The following MICU1 variants were observed in gnomAD, a reference collection of about 807,000 sequenced individuals.
The protein encoded by MICU1 is calcium uptake protein 1, mitochondrial.
A neutral mutation model predicts 56.8 loss-of-function variants in MICU1; 45 were observed. The observed-to-expected ratio is 0.79, with a 90% CI of 0.62 to 1.02. The LOEUF (loss-of-function observed/expected upper bound fraction) is 1.02, where lower values mean the gene tolerates loss of function less well. Among genes scored for constraint, MICU1 ranks in the 50% least tolerant of loss-of-function variants. The pLI is 0.00. For synonymous variants in MICU1, 186 were observed against 195.1 expected, an observed-to-expected ratio of 0.95 and a Z score of 0.39; for missense variants, 504 against 587.1, an observed-to-expected ratio of 0.86 and a Z score of 1.46.
At position 72,423,330 on chromosome 10, in the gene MICU1, CCT is replaced by C. The variant is rs763449647; in HGVS notation, c.973_974del (p.Arg325AlafsTer50). On this transcript the variant is annotated frameshift_variant, in exon 9 of 12. Transcript: ENST00000361114. LOFTEE classifies it high-confidence loss of function. ...HDPVDGRITERQFGGMLLAYS... is the reference protein window; with the variant it reads ...HDPVDGRITEXQFGGMLLAYS... Reference sequence around the variant, plus strand: ...AGGCAAGTAGCATGCCACCAAACTGCCTCTCAGTAATTCTCCCATCCACAGGG... The same window carrying C: ...AGGCAAGTAGCATGCCACCAAACTGCCTCAGTAATTCTCCCATCCACAGGG... 3.1e-6 allele frequency: 5 copies of C among 1,613,844 alleles called. No individual in the cohort carries two copies. The Admixed American group carries it at 8.3e-5, about 27-fold the overall frequency.
chr10:72,568,878 G>A (rs1840516476), intron 1 of MICU1, among the ~76,000 whole-genome samples: 1 of 150,042 alleles, frequency 6.7e-6, no homozygotes, highest in African/African-American at 2.5e-5. Context: ...TCAGCCTCCT[G>A]GGTAGCTGGG....
chr10:72,595,466 A>G (rs1841353184), intron 1 of MICU1, among the ~76,000 whole-genome samples: 1 of 99,088 alleles, frequency 1.0e-5, no homozygotes, highest in South Asian at 2.8e-4. Flanking sequence ...AAAAAAAAAG[A>G]AAAAAAGAAA....
chr10:72,431,661 A>G (rs1354415227), intron 8 of MICU1, among the ~76,000 whole-genome samples: 2 of 152,204 alleles, frequency 1.3e-5, no homozygotes, highest in African/African-American at 4.8e-5. Context: ...TCAGCTATGT[A>G]TAAGAGTGCC....
chr10:72,446,559 C>T (rs936803550), intron 8 of MICU1, among the ~76,000 whole-genome samples: 6 of 152,104 alleles, frequency 3.9e-5, no homozygotes, highest in South Asian at 4.1e-4. Context: ...GAACTCCTGA[C>T]CTCAAGTGAT....
intron 6 of MICU1, among the ~76,000 whole-genome samples, chr10:72,486,795 C>T (rs1012102430): frequency 3.3e-5 from 5 of 152,106 alleles, no homozygotes; most frequent in East Asian, 1.9e-4. Context: ...CACATACACA[C>T]GTGCACAAAG....
At chr10:72,416,166 A>T (rs1190450999) in intron 9 of MICU1, among the ~76,000 whole-genome samples, 1 of 152,138 alleles carries the variant, frequency 6.6e-6, no homozygotes, top group Non-Finnish European at 1.5e-5. Context: ...GAATAGGGGA[A>T]AAGTTGATGT....
chr10:72,575,968 C>T (rs901290197), intron 1 of MICU1, among the ~76,000 whole-genome samples: 1 of 152,250 alleles, frequency 6.6e-6, no homozygotes, highest in Non-Finnish European at 1.5e-5. Context: ...AATCCCAGCA[C>T]TTTGGGAGGC....
chr10:72,619,923 C>T (rs754083821), intron 1 of MICU1, among the ~76,000 whole-genome samples: 39 of 151,860 alleles, frequency 2.6e-4, no homozygotes, highest in East Asian at 1.2e-3. Context: ...CATGTGAAAA[C>T]GAATAAAAAG....
intron 11 of MICU1, among the ~76,000 whole-genome samples, chr10:72,371,124 G>A (rs531832918): frequency 2.0e-5 from 3 of 151,978 alleles, no homozygotes; most frequent in Admixed American, 6.6e-5. Flanking sequence ...AGTGGCTCAC[G>A]CCTATAATCC....
chr10:72,387,188 T>G (rs1365520770), intron 10 of MICU1, among the ~76,000 whole-genome samples: 1 of 152,196 alleles, frequency 6.6e-6, no homozygotes, highest in Non-Finnish European at 1.5e-5. Context: ...TTAGTTATAA[T>G]CATACAATTT....
In MICU1 at chr10:72,608,643, G is replaced by T. The variant is rs182438590; in HGVS notation, c.-2+17367C>A. Among the ~76,000 whole-genome samples the T allele has an allele frequency of 7.2e-4, 110 of 152,274 alleles. No homozygotes were observed. In the South Asian group the frequency reaches 0.015, roughly 20 times the overall value. On this transcript the variant is annotated intron_variant, in intron 1 of 11. Transcript: ENST00000361114. ...GAAATTGGGACCTTTGTGCATTGTT[G>T]GTGGGAATGTAAAATAATGCAGCTA...
chr10:72,596,867 C>T (rs1469624702), intron 1 of MICU1, among the ~76,000 whole-genome samples: 3 of 146,894 alleles, frequency 2.0e-5, no homozygotes, highest in Non-Finnish European at 4.5e-5. Flanking sequence ...AGGAAGACCC[C>T]GTCTCAAAAA....
At chr10:72,371,174 C>T (rs1035032676) in intron 11 of MICU1, among the ~76,000 whole-genome samples, 4 of 143,016 alleles carry the variant, frequency 2.8e-5, no homozygotes, top group East Asian at 2.2e-4. Flanking sequence ...TCATGAGGTC[C>T]GGAGATTGAG....
At chr10:72,580,304 G>A (rs1029816744) in intron 1 of MICU1, among the ~76,000 whole-genome samples, 4 of 151,978 alleles carry the variant, frequency 2.6e-5, no homozygotes, top group African/African-American at 9.7e-5. Flanking sequence ...TTAGTGGAAT[G>A]TTATTTTTAT....
chr10:72,381,064 G>A (rs538682419), intron 10 of MICU1, among the ~76,000 whole-genome samples: 2 of 152,270 alleles, frequency 1.3e-5, no homozygotes, highest in African/African-American at 4.8e-5. Context: ...CACATGTAAC[G>A]AATGTGGCCC....
At chr10:72,494,533 T>C (rs1451963165) in intron 6 of MICU1, among the ~76,000 whole-genome samples, 1 of 152,184 alleles carries the variant, frequency 6.6e-6, no homozygotes, top group East Asian at 1.9e-4. Context: ...ACTATAAGCT[T>C]ATTATCATTA....
At chr10:72,503,806 T>C (rs528286937) in intron 6 of MICU1, among the ~76,000 whole-genome samples, 25 of 151,952 alleles carry the variant, frequency 1.6e-4, no homozygotes, top group Admixed American at 5.9e-4. Flanking sequence ...GTAGCATTTT[T>C]ACACACCAAT....
At position 72,371,772 on chromosome 10, in the gene MICU1, A is replaced by G. The variant is rs147762627; in HGVS notation, c.1271-3417T>C. ...AGAAAAAAATATATATATATAGGCC[A>G]AGGTGGGGCATAGTGGCTCACACCT... On this transcript the variant is annotated intron_variant, in intron 11 of 11. Coordinates refer to ENST00000361114, the MANE Select transcript of MICU1 (RefSeq NM_001195518.2). Among the ~76,000 whole-genome samples, 353 of 145,256 alleles carry G rather than the reference A, an allele frequency of 2.4e-3. 1 individual carries two copies. The highest frequency in any genetic ancestry group is 8.5e-3 in the African/African-American group (331 of 39,028).
intron 4 of MICU1, among the ~76,000 whole-genome samples, chr10:72,550,264 T>C (rs894419066): frequency 2.2e-4 from 34 of 152,200 alleles, no homozygotes; most frequent in African/African-American, 8.0e-4. Context: ...TTACTTACCA[T>C]TGTCTTACAA....
Sources: gnomAD v4.1 joint callset for allele counts (sites outside exome capture counted in the v4.1 genomes callset) on GRCh38, gnomAD v4.1.1 for gene constraint, MANE v1.5 for transcripts, NCBI Gene and HGNC (gene_info 2026-07-23, HGNC 2026-07-21) for gene names.